Variants in ASXL3 observed in about 807,000 individuals in gnomAD.
ASXL3 encodes putative Polycomb group protein ASXL3.
In ASXL3, 34 loss-of-function variants were observed where a neutral mutation model predicts 170.6. The ratio of observed to expected loss-of-function variants is 0.20; its 90% CI spans 0.15 to 0.27. The LOEUF (loss-of-function observed/expected upper bound fraction) is 0.27. ASXL3 is among the 10% of genes least tolerant of loss of function. The pLI is 1.00. For missense variants in ASXL3, 2,592 were observed against 2,695.3 expected, an observed-to-expected ratio of 0.96 and a Z score of 0.85; for synonymous variants, 1,002 against 989.1, an observed-to-expected ratio of 1.01 and a Z score of -0.24.
chr18:33,660,469 A>G (rs2066154544), intron 4 of ASXL3, among the ~76,000 whole-genome samples: 1 of 152,136 alleles, frequency 6.6e-6, no homozygotes, highest in Admixed American at 6.6e-5. Flanking sequence ...TGTTACTACA[A>G]TAATTTTTAC....
rs532001063 is a variant in ASXL3 at position 33,744,954 on chromosome 18, A to G, written c.5106A>G (p.Val1702=). The G allele has an allele frequency of 6.2e-7, 1 of 1,613,990 alleles. No homozygotes were observed. Among genetic ancestry groups the G allele is most frequent in the Admixed American group, 1.7e-5 (1 of 60,018 alleles). Residue 1702 remains valine, a synonymous_variant, in exon 12 of 12, where the codon GTA becomes GTG. Coordinates refer to ENST00000269197, the MANE Select transcript of ASXL3 (RefSeq NM_030632.3). ...PPPAAEGASS[V]QQTQNMKAST... ...CGGCTGCAGAGGGAGCCTCTAGTGT[A>G]CAACAAACACAGAACATGAAAGCTT...
chr18:33,694,135 G>C (rs996638963), intron 8 of ASXL3, among the ~76,000 whole-genome samples: 1 of 152,150 alleles, frequency 6.6e-6, no homozygotes, highest in African/African-American at 2.4e-5. Flanking sequence ...AGTGGTAGCA[G>C]ATAGGTAGAA....
chr18:33,582,225 A>G (rs1480661118), intron 1 of ASXL3, among the ~76,000 whole-genome samples: 2 of 152,204 alleles, frequency 1.3e-5, no homozygotes, highest in Non-Finnish European at 2.9e-5. Context: ...CTTTGACTTT[A>G]ATCCTTCTGA....
intron 4 of ASXL3, among the ~76,000 whole-genome samples, chr18:33,660,254 A>AT (rs2066150334): frequency 6.6e-6 from 1 of 152,146 alleles, no homozygotes; most frequent in Non-Finnish European, 1.5e-5. Flanking sequence ...ACATGTTGGA[A>AT]GTGTATGGCA....
chr18:33,639,326 C>A (rs1433385903), intron 2 of ASXL3, among the ~76,000 whole-genome samples: 1 of 152,104 alleles, frequency 6.6e-6, no homozygotes, highest in Non-Finnish European at 1.5e-5. Flanking sequence ...ATGGTCCCAA[C>A]CTTGTTGAAC....
intron 2 of ASXL3, among the ~76,000 whole-genome samples, chr18:33,613,864 G>A (rs1163031368): frequency 1.3e-5 from 2 of 152,164 alleles, no homozygotes; most frequent in African/African-American, 4.8e-5. Context: ...GGTCAAGGCT[G>A]TAGTGAGCTG....
In ASXL3 at chr18:33,661,676, C is replaced by T. The variant is rs140873836; in HGVS notation, c.416C>T (p.Thr139Ile). Reference sequence around the variant, plus strand: ...ACTCGAGATTCAAGCCTTACTAACACAGCAGTGCAAAGCAAGTTAGTGTCT... The same window carrying T: ...ACTCGAGATTCAAGCCTTACTAACATAGCAGTGCAAAGCAAGTTAGTGTCT... ...SSTRDSSLTNTAVQSKLVSSF... is the reference protein window; with the variant it reads ...SSTRDSSLTNIAVQSKLVSSF... Residue 139 changes from threonine (T) to isoleucine (I), a missense_variant, in exon 5 of 12, where the codon ACA (threonine) becomes ATA (isoleucine). Thr to Ile is a moderately conservative substitution (Grantham distance 89). Around this residue, in one of 4 missense-constraint regions of ASXL3, gnomAD observed 251 missense variants for 281.9 expected, o/e 0.89. Transcript: ENST00000269197. 2.2e-5 allele frequency: 36 copies of T among 1,612,756 alleles called. No individual in the cohort carries two copies. The East Asian group carries it at 6.7e-4, about 30-fold the overall frequency.
chr18:33,597,535 A>G (rs11664874), intron 1 of ASXL3, among the ~76,000 whole-genome samples: 84,571 of 151,954 alleles, frequency 0.56, 24,372 homozygotes, highest in African/African-American at 0.67. Flanking sequence ...ATAGGCTGTG[A>G]ATTTTTGTAA....
At chr18:33,620,310 T>C (rs944880156) in intron 2 of ASXL3, among the ~76,000 whole-genome samples, 1 of 152,154 alleles carries the variant, frequency 6.6e-6, no homozygotes, top group Non-Finnish European at 1.5e-5. Context: ...TAGCTAGAAA[T>C]AGAAAATTGG....
chr18:33,679,601 C>T (rs2066482374), intron 7 of ASXL3, among the ~76,000 whole-genome samples: 1 of 152,022 alleles, frequency 6.6e-6, no homozygotes, highest in Non-Finnish European at 1.5e-5. Flanking sequence ...GAAAGTAAGT[C>T]TCCCACCTCA....
chr18:33,711,087 G>A (rs1430558817), intron 8 of ASXL3, among the ~76,000 whole-genome samples: 1 of 152,022 alleles, frequency 6.6e-6, no homozygotes. Flanking sequence ...TAGCCCCAGA[G>A]TCCAATTTTG....
intron 8 of ASXL3, among the ~76,000 whole-genome samples, chr18:33,729,977 C>CCTAT (rs1157832380): frequency 5.9e-5 from 9 of 152,100 alleles, no homozygotes; most frequent in Non-Finnish European, 8.8e-5. Context: ...GATTGATTAT[C>CCTAT]CTATCTGTCT....
At chr18:33,607,806 A>G (rs1052541100) in intron 2 of ASXL3, 130 bp downstream of exon 2, 3 of 727,610 alleles carry the variant, frequency 4.1e-6, no homozygotes, top group African/African-American at 3.6e-5. Context: ...AATTCTTTCT[A>G]ATTAAGAAAT....
At chr18:33,717,215 G>A (rs1272114241) in intron 8 of ASXL3, among the ~76,000 whole-genome samples, 1 of 152,082 alleles carries the variant, frequency 6.6e-6, no homozygotes, top group African/African-American at 2.4e-5. Context: ...CGGGTGACCA[G>A]CCAGCACTAG....
At chr18:33,720,426 C>G (rs1374362347) in intron 8 of ASXL3, among the ~76,000 whole-genome samples, 1 of 152,066 alleles carries the variant, frequency 6.6e-6, no homozygotes, top group Non-Finnish European at 1.5e-5. Flanking sequence ...TTGAGTTTCA[C>G]TAAATAAAAC....
At chr18:33,623,641 G>T (rs1049748691) in intron 2 of ASXL3, among the ~76,000 whole-genome samples, 2 of 152,082 alleles carry the variant, frequency 1.3e-5, no homozygotes, top group Non-Finnish European at 2.9e-5. Flanking sequence ...AATCCAATTT[G>T]CATTCTAAGA....
chr18:33,638,026 C>T (rs1022135900), intron 2 of ASXL3, among the ~76,000 whole-genome samples: 1 of 151,778 alleles, frequency 6.6e-6, no homozygotes, highest in African/African-American at 2.4e-5. Flanking sequence ...AATGTTTGTT[C>T]AGTGAAAGAA....
intron 8 of ASXL3, among the ~76,000 whole-genome samples, chr18:33,704,046 G>A (rs1248769833): frequency 3.9e-5 from 6 of 152,016 alleles, no homozygotes; most frequent in Non-Finnish European, 5.9e-5. Flanking sequence ...AGATTTCCAA[G>A]TATGCCAAAG....
chr18:33,637,914 ATTTAG>A (rs2065792781), intron 2 of ASXL3, among the ~76,000 whole-genome samples: 2 of 152,112 alleles, frequency 1.3e-5, no homozygotes, highest in Non-Finnish European at 2.9e-5. Context: ...TATTCAGAAA[ATTTAG>A]TTCAGCTCAG....
Sources: allele counts gnomAD v4.1 joint callset (sites outside exome capture counted in the v4.1 genomes callset), GRCh38; gene constraint gnomAD v4.1.1; regional missense constraint gnomAD v4.1.1; transcripts MANE v1.5; gene names NCBI Gene and HGNC (gene_info 2026-07-23, HGNC 2026-07-21).